Variants in POLD1 observed in about 807,000 individuals in gnomAD.
POLD1 encodes the protein DNA polymerase delta 1, catalytic subunit.
A neutral mutation model predicts 129.7 loss-of-function variants in POLD1; 79 were observed. The observed-to-expected ratio is 0.61, with a 90% CI of 0.51 to 0.73. The LOEUF is 0.73. Among genes scored for constraint, POLD1 ranks in the 30% least tolerant of loss-of-function variants. POLD1 has a pLI of 0.00. For synonymous variants in POLD1, 714 were observed against 683.3 expected, an observed-to-expected ratio of 1.04 and a Z score of -0.70; for missense variants, 1,338 against 1,595.8, an observed-to-expected ratio of 0.84 and a Z score of 2.75.
At position 50,403,594 on chromosome 19, in the gene POLD1, C is replaced by G; in HGVS notation, c.1239C>G (p.Leu413=). ...ACCTCATCTCTCGGGCCCAGACCCT[C>G]AAGGTGAGGGCTGGGCAGGTGGGAG... ...LPYLISRAQT[L]KVQTFPFLGR... Residue 413 remains leucine (L), a synonymous_variant, in exon 10 of 27, where the codon CTC becomes CTG. Transcript: ENST00000440232. The G allele has an allele frequency of 6.3e-7, 1 of 1,599,262 alleles. No individual in the cohort carries two copies. Among genetic ancestry groups the G allele is most frequent in the African/African-American group, 1.3e-5 (1 of 74,750 alleles).
Position 50,407,182 on chromosome 19 carries a change from G to T in POLD1, c.1686+8G>T. Reference sequence around the variant, plus strand: ...TCCCAGCTGTTGCGGCAGGTCAGTAGCCGAGACTTGTCCTCGCCACCCCCC... The same window carrying T: ...TCCCAGCTGTTGCGGCAGGTCAGTATCCGAGACTTGTCCTCGCCACCCCCC... On this transcript the variant is annotated splice_region_variant and intron_variant, in intron 13 of 26. Coordinates refer to ENST00000440232, the MANE Select transcript of POLD1 (RefSeq NM_002691.4). 1 of 1,594,160 alleles carries T rather than the reference G, an allele frequency of 6.3e-7. No homozygotes were observed. Among genetic ancestry groups the T allele is most frequent in the Non-Finnish European group, 8.6e-7 (1 of 1,165,754 alleles).
rs772192179 is a variant in POLD1 at position 50,413,728 on chromosome 19, C to T, written c.2251-14C>T. ...ACCCTGCTTCTCACATACACACATCCCCACCGCCCGCAGGTGGTGTATGGT... is the reference window on the plus strand; with the variant it reads ...ACCCTGCTTCTCACATACACACATCTCCACCGCCCGCAGGTGGTGTATGGT... On this transcript the variant is annotated splice_polypyrimidine_tract_variant and intron_variant, in intron 18 of 26. Coordinates refer to ENST00000440232, the MANE Select transcript of POLD1 (RefSeq NM_002691.4). 2 of 1,588,310 alleles carry T rather than the reference C, an allele frequency of 1.3e-6. No individual in the cohort carries two copies. The highest frequency in any genetic ancestry group is 2.3e-5 in the South Asian group (2 of 88,350).
In POLD1 at chr19:50,406,564, C is replaced by G; in HGVS notation, c.1494+47C>G. Reference sequence around the variant, plus strand: ...TCTCACCCCAACCTCTGACCTCCACCTCACCCTTCCCCGGCCTCTGACCTC... The same window carrying G: ...TCTCACCCCAACCTCTGACCTCCACGTCACCCTTCCCCGGCCTCTGACCTC... On this transcript the variant is annotated intron_variant, in intron 12 of 26. Coordinates refer to ENST00000440232, the MANE Select transcript of POLD1 (RefSeq NM_002691.4). This position sits in a 1 kb window ranked among gnomAD's most constrained non-coding sequence, Gnocchi z 5.5. 7.2e-7 allele frequency: 1 copy of G among 1,382,072 alleles called. No individual in the cohort carries two copies. The highest frequency in any genetic ancestry group is 1.4e-5 in the African/African-American group (1 of 69,920). The allele number at this position is 1,382,072 out of a possible 1,614,324, so 85.6% of individuals were successfully genotyped here. A position where few individuals can be genotyped will look rare whatever the true frequency, so the allele number is the denominator to read the frequency against.
chr19:50,409,714 T>G lies in POLD1; in HGVS notation c.2154+48T>G. ...GGCAACTGGGGGCAGGTGGGCCCCC[T>G]GTGTAGGAGACCAGGGCTCCATGTG... On this transcript the variant is annotated intron_variant, in intron 17 of 26. Coordinates refer to ENST00000440232, the MANE Select transcript of POLD1 (RefSeq NM_002691.4). The surrounding 1 kb of genome is among the most constrained non-coding windows in gnomAD (Gnocchi z 5.8). The G allele has an allele frequency of 6.5e-7, 1 of 1,542,558 alleles. No individual in the cohort carries two copies. The highest frequency in any genetic ancestry group is 8.8e-7 in the Non-Finnish European group (1 of 1,141,050).
chr19:50,416,200 C>G lies in POLD1; in HGVS notation c.2821-196C>G, dbSNP rs1463505280. 4 of 607,012 alleles carry G rather than the reference C, an allele frequency of 6.6e-6. No individual in the cohort carries two copies. The East Asian group carries it at 1.1e-4, about 17-fold the overall frequency. The allele number at this position is 607,012 out of a possible 1,614,324, so 37.6% of individuals were successfully genotyped here. A position where few individuals can be genotyped will look rare whatever the true frequency, so the allele number is the denominator to read the frequency against. On this transcript the variant is annotated intron_variant, in intron 22 of 26. Coordinates refer to ENST00000440232, the MANE Select transcript of POLD1 (RefSeq NM_002691.4). ...TTCCCCTTGTGAACTCTGACCCTTC[C>G]GTGGTGACCTGAGAGCCCTACAGAC...
rs1555791320 is a variant in POLD1 at position 50,406,980 on chromosome 19, C to T, written c.1495-3C>T. ...CCCTGACCCCATCCGTGCCCATCCC[C>T]AGAATGGGAACGACCAGACCCGCCG... On this transcript the variant is annotated splice_region_variant and splice_polypyrimidine_tract_variant and intron_variant, in intron 12 of 26. Coordinates refer to ENST00000440232, the MANE Select transcript of POLD1 (RefSeq NM_002691.4). This position sits in a 1 kb window ranked among gnomAD's most constrained non-coding sequence, Gnocchi z 5.5. 1 of 1,589,412 alleles carries T rather than the reference C, an allele frequency of 6.3e-7. No individual in the cohort carries two copies. The highest frequency in any genetic ancestry group is 1.3e-5 in the African/African-American group (1 of 74,616).
At chr19:50,416,043 C>T (rs187033335) in intron 22 of POLD1, 96 of 580,548 alleles carry the variant, frequency 1.7e-4, no homozygotes, top group African/African-American at 1.6e-3. Flanking sequence ...GGCCCCAGTC[C>T]CTCCCCTGTG....
chr19:50,408,593 G>C, intron 14 of POLD1, 192 bp from the exon 15 acceptor site: 1 of 841,178 alleles, frequency 1.2e-6, no homozygotes, highest in Non-Finnish European at 1.8e-6. Context: ...ATGTTGCCCA[G>C]GCTGATCTGA....
Position 50,409,874 on chromosome 19 carries a change from ACT to A in POLD1, c.2154+211_2154+212del, listed in dbSNP as rs1186376378. Among the ~76,000 whole-genome samples, 1 of 152,134 alleles carries A rather than the reference ACT, an allele frequency of 6.6e-6. No individual in the cohort carries two copies. Among genetic ancestry groups the A allele is most frequent in the East Asian group, 1.9e-4 (1 of 5,194 alleles). On this transcript the variant is annotated intron_variant, in intron 17 of 26. Transcript: ENST00000440232. The surrounding 1 kb of genome is among the most constrained non-coding windows in gnomAD (Gnocchi z 5.8). Reference sequence around the variant, plus strand: ...TGAGCACACACTGTGGTCAGGGCTCACTCTGTGCCCTGGGGATACAGAGGGGA... The same window carrying A: ...TGAGCACACACTGTGGTCAGGGCTCACTGTGCCCTGGGGATACAGAGGGGA...
intron 1 of POLD1, among the ~76,000 whole-genome samples, chr19:50,397,768 T>G (rs115123953): frequency 0.031 from 4,689 of 152,122 alleles, 245 homozygotes; most frequent in African/African-American, 0.11. Context: ...TCTGTATGTG[T>G]TTTGTGTTGT....
intron 1 of POLD1, among the ~76,000 whole-genome samples, chr19:50,398,564 C>G (rs901159115): frequency 2.0e-5 from 2 of 102,250 alleles, no homozygotes; most frequent in African/African-American, 8.5e-5. Flanking sequence ...GAGCACAATT[C>G]CATCTCAAAA....
intron 1 of POLD1, among the ~76,000 whole-genome samples, chr19:50,396,029 T>A (rs974687307): frequency 6.8e-6 from 1 of 146,880 alleles, no homozygotes; most frequent in African/African-American, 2.7e-5. Flanking sequence ...ACTTTTTTGT[T>A]GTGGTTGTTT....
intron 9 of POLD1, 127 bp downstream of exon 9, chr19:50,403,346 G>GT (rs1195709274): frequency 8.8e-7 from 1 of 1,130,854 alleles, no homozygotes; most frequent in Non-Finnish European, 1.3e-6. Flanking sequence ...GTGGGTCTGG[G>GT]TGGGCCCCTG....
At chr19:50,417,821 T>TGCCCCTGCCCCA in intron 26 of POLD1, 21 bp from the exon 27 acceptor site, 1 of 1,516,822 alleles carries the variant, frequency 6.6e-7, no homozygotes, top group African/African-American at 1.4e-5. Context: ...GTCCTGACCC[T>TGCCCCTGCCCCA]GCCCCTGCCC....
In POLD1 at chr19:50,401,798, G is replaced by T; in HGVS notation, c.337G>T (p.Gly113Trp). The T allele has an allele frequency of 1.9e-6, 3 of 1,612,050 alleles. No homozygotes were observed. Among genetic ancestry groups the T allele is most frequent in the Non-Finnish European group, 1.7e-6 (2 of 1,179,404 alleles). Reference sequence around the variant, plus strand: ...CACAGGCCCAGCGCAGCCTGTGCCTGGGGGGCCCCCACCATCCCGCGGCTC... The same window carrying T: ...CACAGGCCCAGCGCAGCCTGTGCCTTGGGGGCCCCCACCATCCCGCGGCTC... ...HYVGPAQPVP[G>W]GPPPSRGSVP... Residue 113 changes from glycine to tryptophan, a missense_variant, in exon 4 of 27, where the codon GGG becomes TGG. Gly to Trp is a radical substitution (Grantham distance 184). Around this residue, in one of 3 missense-constraint regions of POLD1, gnomAD observed 332 missense variants for 315.7 expected, o/e 1.05. Coordinates refer to ENST00000440232, the MANE Select transcript of POLD1 (RefSeq NM_002691.4).
intron 3 of POLD1, among the ~76,000 whole-genome samples, chr19:50,400,522 ATTTTTTTTTTTTTTT>A (rs1016107364): frequency 1.6e-5 from 1 of 63,518 alleles, no homozygotes; most frequent in African/African-American, 8.3e-5. Flanking sequence ...TGCCCCGCCT[ATTTTTTTTTTTTTTT>A]TTTTTTTTTT....
chr19:50,403,350 G>T (rs1250247876), intron 9 of POLD1, 131 bp downstream of exon 9: 1 of 1,136,658 alleles, frequency 8.8e-7, no homozygotes, highest in African/African-American at 1.5e-5. Context: ...GTCTGGGTGG[G>T]CCCCTGTGCA....
At chr19:50,394,636 C>T (rs187783169) in intron 1 of POLD1, among the ~76,000 whole-genome samples, 2 of 151,746 alleles carry the variant, frequency 1.3e-5, no homozygotes, top group Admixed American at 6.6e-5. Flanking sequence ...CCTGTGTGAC[C>T]GAGTGAGACT....
At chr19:50,399,823 T>C (rs566305635) in intron 3 of POLD1, among the ~76,000 whole-genome samples, 2 of 152,306 alleles carry the variant, frequency 1.3e-5, no homozygotes, top group South Asian at 4.1e-4. Flanking sequence ...CAATTTGACT[T>C]CTTTTTTTTG....
Sources: gnomAD v4.1 joint callset for allele counts (sites outside exome capture counted in the v4.1 genomes callset) on GRCh38, gnomAD v4.1.1 for gene constraint, gnomAD v4.1.1 regional missense constraint, Gnocchi (gnomAD v3.1) non-coding constraint, MANE v1.5 for transcripts, NCBI Gene and HGNC (gene_info 2026-07-23, HGNC 2026-07-21) for gene names.